Variants in DYNC1I2 observed in about 807,000 individuals in gnomAD.
The protein encoded by DYNC1I2 is cytoplasmic dynein 1 intermediate chain 2.
A neutral mutation model predicts 88.6 loss-of-function variants in DYNC1I2; 53 were observed. The ratio of observed to expected loss-of-function variants is 0.60; its 90% CI spans 0.48 to 0.75. DYNC1I2 has a LOEUF of 0.75. DYNC1I2 is among the 30% of genes least tolerant of loss of function. The pLI is 0.00. For synonymous variants in DYNC1I2, 198 were observed against 254.6 expected (o/e 0.78, Z 2.12); for missense variants, 458 against 766.6 (o/e 0.60, Z 4.75).
At position 171,693,661 on chromosome 2, in the gene DYNC1I2, C is replaced by T. The variant is rs1685549696; in HGVS notation, c.226+767C>T. 5.3e-5 allele frequency among the ~76,000 whole-genome samples: 8 copies of T among 152,160 alleles called. 1 individual carries two copies. In the South Asian group the frequency reaches 1.7e-3, roughly 31 times the overall value. ...TACTGGAGATTGTAAATGCTCTATGCTTGTTGTGAAACTGCAACATAACTG... is the reference window on the plus strand; with the variant it reads ...TACTGGAGATTGTAAATGCTCTATGTTTGTTGTGAAACTGCAACATAACTG... On this transcript the variant is annotated intron_variant, in intron 3 of 17. Coordinates refer to ENST00000397119, the MANE Select transcript of DYNC1I2 (RefSeq NM_001378.3).
chr2:171,689,095 A>G (rs1685189873), intron 1 of DYNC1I2, among the ~76,000 whole-genome samples: 1 of 152,124 alleles, frequency 6.6e-6, no homozygotes. Flanking sequence ...TCAGATTGTA[A>G]TTGTGTCTAC....
At position 171,725,598 on chromosome 2, in the gene DYNC1I2, G is replaced by GTTTGTTT; in HGVS notation, c.512-17_512-16insGTTTTTT. On this transcript the variant is annotated intron_variant, in intron 7 of 17. Transcript: ENST00000397119. ...ATTCTGTTTTTTTGTTTTTTTGTTT[G>GTTTGTTT]TTTTTTTTTTTTTTTTCAGATGAAG... is the stretch of plus-strand genomic sequence containing the variant. The GTTTGTTT allele has an allele frequency of 2.2e-6, 2 of 894,260 alleles. No homozygotes were observed. Among genetic ancestry groups the GTTTGTTT allele is most frequent in the South Asian group, 2.3e-5 (1 of 42,984 alleles). 55.4% of individuals were successfully genotyped at this position (894,260 alleles called of 1,614,324 possible).
chr2:171,688,300 T>C (rs190681996), intron 1 of DYNC1I2: 269 of 152,342 alleles, frequency 1.8e-3, no homozygotes, highest in African/African-American at 6.3e-3. Context: ...CTAGAGACTC[T>C]CTTCTCTTGA....
intron 1 of DYNC1I2, chr2:171,688,380 A>C (rs1369141203): frequency 6.6e-6 from 1 of 152,232 alleles, no homozygotes; most frequent in Non-Finnish European, 1.5e-5. Context: ...AGGATTGGTC[A>C]GCTGTAGTTC....
chr2:171,726,705 A>G (rs1688279332), intron 10 of DYNC1I2, 86 bp from the exon 11 acceptor site: 5 of 1,506,606 alleles, frequency 3.3e-6, no homozygotes, highest in Non-Finnish European at 4.5e-6. Context: ...TTGCAGAATA[A>G]TAATCTGATA....
At chr2:171,711,375 C>A (rs974167838) in intron 5 of DYNC1I2, among the ~76,000 whole-genome samples, 1 of 152,056 alleles carries the variant, frequency 6.6e-6, no homozygotes, top group Non-Finnish European at 1.5e-5. Context: ...CCTGAAGATG[C>A]CCCTAATAAA....
chr2:171,734,594 G>A (rs1688877753), intron 15 of DYNC1I2, among the ~76,000 whole-genome samples: 1 of 152,116 alleles, frequency 6.6e-6, no homozygotes, highest in African/African-American at 2.4e-5. Context: ...CAAAGGATGG[G>A]CCACCATAGA....
intron 3 of DYNC1I2, among the ~76,000 whole-genome samples, chr2:171,695,108 T>G (rs1047318405): frequency 6.9e-6 from 1 of 144,594 alleles, no homozygotes; most frequent in Non-Finnish European, 1.5e-5. Flanking sequence ...TGGTTTTTGG[T>G]TTTTTTTTTG....
Position 171,691,843 on chromosome 2 carries a change from TG to T in DYNC1I2, c.109-931del, listed in dbSNP as rs558866145. On this transcript the variant is annotated intron_variant, in intron 2 of 17. Transcript: ENST00000397119. ...AAACTTATTGAGTCACACAGACCAA[TG>T]GGAAAAAACAAAGTTTATAAAAATG... is the stretch of plus-strand genomic sequence containing the variant. 2.4e-4 allele frequency among the ~76,000 whole-genome samples: 37 copies of T among 152,258 alleles called. 1 individual carries two copies. In the South Asian group the frequency reaches 4.4e-3, roughly 18 times the overall value.
rs1471081208 is a variant in DYNC1I2, at chr2:171,744,031, T to C, written c.1537-18T>C. 1.9e-6 allele frequency: 3 copies of C among 1,602,920 alleles called. No individual in the cohort carries two copies. The highest frequency in any genetic ancestry group is 4.5e-5 in the East Asian group (2 of 44,696). On this transcript the variant is annotated intron_variant, in intron 15 of 17. Transcript: ENST00000397119. Reference sequence around the variant, plus strand: ...TGTCATATATGGACTGTGCTAAGAATCAACTTTTCTCTTTCAGAATAACAA... The same window carrying C: ...TGTCATATATGGACTGTGCTAAGAACCAACTTTTCTCTTTCAGAATAACAA...
Position 171,729,848 on chromosome 2 carries a change from A to G in DYNC1I2, c.1531A>G (p.Thr511Ala). ...SFDWTVKLWT[T>A]KNNKPLYSFE... ...TGACTGGACAGTAAAGCTTTGGACA[A>G]CTAAGGTATCTAAAATATAGATGTC... The change falls in exon 15 of 18, where the codon ACT becomes GCT. Residue 511 changes from threonine to alanine, a missense_variant. This residue lies in a region of DYNC1I2 where 188 missense variants were observed against 300.4 expected (regional missense o/e 0.63). Transcript: ENST00000397119. The G allele has an allele frequency of 6.2e-7, 1 of 1,613,540 alleles. No individual in the cohort carries two copies. Among genetic ancestry groups the G allele is most frequent in the Non-Finnish European group, 8.5e-7 (1 of 1,179,592 alleles).
chr2:171,730,703 GT>G (rs1310956698), intron 15 of DYNC1I2, among the ~76,000 whole-genome samples: 2 of 150,392 alleles, frequency 1.3e-5, no homozygotes, highest in African/African-American at 2.4e-5. Context: ...ATTCTAAGGT[GT>G]TTTTTTTTCT....
At chr2:171,695,509 CTTTTG>C (rs1685702755) in intron 3 of DYNC1I2, among the ~76,000 whole-genome samples, 1 of 152,092 alleles carries the variant, frequency 6.6e-6, no homozygotes, top group African/African-American at 2.4e-5. Context: ...TGCTGTATGT[CTTTTG>C]TTTATTCCAT....
At chr2:171,713,472 G>C (rs973777855) in intron 6 of DYNC1I2, among the ~76,000 whole-genome samples, 1 of 150,422 alleles carries the variant, frequency 6.6e-6, no homozygotes, top group African/African-American at 2.4e-5. Context: ...TTAGTGAAAC[G>C]TTAGAAAACT....
chr2:171,688,903 G>T (rs966358562), intron 1 of DYNC1I2, among the ~76,000 whole-genome samples: 2 of 151,962 alleles, frequency 1.3e-5, no homozygotes, highest in Non-Finnish European at 2.9e-5. Context: ...TACTTCACTT[G>T]TACAGAGACA....
At chr2:171,707,100 A>T in intron 4 of DYNC1I2, 187 bp from the exon 5 acceptor site, 1 of 741,318 alleles carries the variant, frequency 1.3e-6, no homozygotes, top group Non-Finnish European at 2.2e-6. Flanking sequence ...TTCAGCATGC[A>T]TTGTTAACTT....
intron 3 of DYNC1I2, among the ~76,000 whole-genome samples, chr2:171,699,242 G>A (rs1274143894): frequency 6.6e-6 from 1 of 152,146 alleles, no homozygotes; most frequent in Non-Finnish European, 1.5e-5. Context: ...GGGAGGCAGA[G>A]GTTGCAGTGA....
intron 5 of DYNC1I2, among the ~76,000 whole-genome samples, chr2:171,710,210 CA>C (rs1687017563): frequency 6.6e-6 from 1 of 151,400 alleles, no homozygotes; most frequent in African/African-American, 2.4e-5. Context: ...ATCCAGCTTT[CA>C]TAGAGGTAAT....
At chr2:171,688,758 G>T (rs1430924830) in intron 1 of DYNC1I2, 4 of 152,112 alleles carry the variant, frequency 2.6e-5, no homozygotes, top group African/African-American at 9.7e-5. Context: ...CTTCTTAGTA[G>T]GTGAATTTCT....
Sources: gnomAD v4.1 joint callset for allele counts (sites outside exome capture counted in the v4.1 genomes callset) on GRCh38, gnomAD v4.1.1 for gene constraint, gnomAD v4.1.1 regional missense constraint, MANE v1.5 for transcripts, NCBI Gene and HGNC (gene_info 2026-07-23, HGNC 2026-07-21) for gene names.